GRIK4: variants seen among roughly 807,000 people sequenced by gnomAD.
The protein encoded by GRIK4 is glutamate receptor ionotropic, kainate 4.
Under a neutral mutation model 104.9 loss-of-function variants are expected in GRIK4, and 40 were observed. That is an observed-to-expected ratio of 0.38 (90% CI 0.30 to 0.50). The LOEUF (loss-of-function observed/expected upper bound fraction) is 0.50. GRIK4 is among the 20% of genes least tolerant of loss of function. The pLI is 0.93. For missense variants in GRIK4, 1,047 were observed against 1,308.1 expected, an observed-to-expected ratio of 0.80 and a Z score of 3.08; for synonymous variants, 485 against 524.9, an observed-to-expected ratio of 0.92 and a Z score of 1.04.
chr11:120,976,918 A>G (rs150921403), intron 19 of GRIK4, among the ~76,000 whole-genome samples: 107 of 152,346 alleles, frequency 7.0e-4, no homozygotes, highest in African/African-American at 2.2e-3. Context: ...GGGCTAGGAC[A>G]TGAGTGTACC....
chr11:120,718,844 G>A (rs545081047), intron 3 of GRIK4, among the ~76,000 whole-genome samples: 15 of 152,250 alleles, frequency 9.9e-5, no homozygotes, highest in African/African-American at 2.9e-4. Flanking sequence ...ACCCTTTCCC[G>A]TCGTACTTGC....
intron 3 of GRIK4, among the ~76,000 whole-genome samples, chr11:120,717,948 C>A (rs562639973): frequency 6.6e-6 from 1 of 152,118 alleles, no homozygotes; most frequent in Admixed American, 6.5e-5. Flanking sequence ...TCCCTGCCCG[C>A]GTCTGTAAGC....
chr11:120,527,206 G>A (rs1004165937), intron 1 of GRIK4, among the ~76,000 whole-genome samples: 3 of 152,230 alleles, frequency 2.0e-5, no homozygotes, highest in South Asian at 2.1e-4. Context: ...CTGGAGCTGC[G>A]TCATCTTTGT....
intron 1 of GRIK4, among the ~76,000 whole-genome samples, chr11:120,516,434 G>A (rs1947725731): frequency 6.6e-6 from 1 of 152,154 alleles, no homozygotes; most frequent in Non-Finnish European, 1.5e-5. Flanking sequence ...GAGGCAAGTG[G>A]GAGAAGAGTC....
At chr11:120,695,809 C>T (rs1026194313) in intron 3 of GRIK4, among the ~76,000 whole-genome samples, 18 of 152,196 alleles carry the variant, frequency 1.2e-4, no homozygotes, top group African/African-American at 4.1e-4. Flanking sequence ...GTTGGAGCCG[C>T]CATGCAGATA....
At chr11:120,840,653 C>T (rs549103578) in intron 8 of GRIK4, among the ~76,000 whole-genome samples, 1 of 152,096 alleles carries the variant, frequency 6.6e-6, no homozygotes, top group African/African-American at 2.4e-5. Flanking sequence ...TGAAGTGGAC[C>T]GATTAAGGAA....
intron 1 of GRIK4, among the ~76,000 whole-genome samples, chr11:120,526,532 T>C (rs1947859184): frequency 6.6e-6 from 1 of 152,184 alleles, no homozygotes; most frequent in Admixed American, 6.5e-5. Flanking sequence ...TATACATCAA[T>C]TCAAAAAGTT....
intron 1 of GRIK4, among the ~76,000 whole-genome samples, chr11:120,637,101 A>C (rs1311217422): frequency 1.3e-5 from 2 of 151,954 alleles, no homozygotes; most frequent in African/African-American, 2.4e-5. Flanking sequence ...ATAGAAGAGA[A>C]GATGCAGGAA....
Position 120,905,394 on chromosome 11 carries a change from C to T in GRIK4, c.1377C>T (p.Leu459=). ...TGCTCAAGGAGCTGGCAGAGATCCT[C>T]CGATTCAACTACAAGATCCGCCTGG... The part of the protein sequence containing the change: ...VDMLKELAEI[L]RFNYKIRLVG... Residue 459 remains leucine, a synonymous_variant, in exon 13 of 21, where the codon CTC becomes CTT. Coordinates refer to ENST00000527524, the MANE Select transcript of GRIK4 (RefSeq NM_014619.5). The surrounding 1 kb of genome is among the most constrained non-coding windows in gnomAD (Gnocchi z 5.1). The T allele has an allele frequency of 1.2e-6, 2 of 1,614,034 alleles. No homozygotes were observed. Among genetic ancestry groups the T allele is most frequent in the Non-Finnish European group, 1.7e-6 (2 of 1,179,896 alleles).
At chr11:120,792,769 G>T (rs932379546) in intron 3 of GRIK4, among the ~76,000 whole-genome samples, 2 of 152,130 alleles carry the variant, frequency 1.3e-5, no homozygotes, top group African/African-American at 4.8e-5. Flanking sequence ...TTTACTTTGG[G>T]TCTTCCTAAA....
chr11:120,808,262 G>A (rs930277287), intron 4 of GRIK4, among the ~76,000 whole-genome samples: 1 of 152,186 alleles, frequency 6.6e-6, no homozygotes, highest in Non-Finnish European at 1.5e-5. Flanking sequence ...TCTCTCCTAT[G>A]TCTCACAGCC....
At chr11:120,929,927 C>T (rs1943445954) in intron 13 of GRIK4, among the ~76,000 whole-genome samples, 1 of 152,178 alleles carries the variant, frequency 6.6e-6, no homozygotes. Context: ...AAAAATCCCT[C>T]CTGCATACAG....
intron 6 of GRIK4, among the ~76,000 whole-genome samples, chr11:120,821,809 G>A (rs943109449): frequency 6.6e-6 from 1 of 152,208 alleles, no homozygotes; most frequent in African/African-American, 2.4e-5. Flanking sequence ...TGGGTGCTGG[G>A]CACCCTTACA....
intron 14 of GRIK4, among the ~76,000 whole-genome samples, chr11:120,944,913 T>C (rs199894511): frequency 6.7e-6 from 1 of 149,658 alleles, no homozygotes; most frequent in East Asian, 2.0e-4. Context: ...GCCTGACATA[T>C]ACACAATAAA....
chr11:120,913,856 T>TAAAA lies in GRIK4; in HGVS notation c.1476+8378_1476+8381dup, dbSNP rs36119057. Among the ~76,000 whole-genome samples, 6 of 132,730 alleles carry TAAAA rather than the reference T, an allele frequency of 4.5e-5. No individual in the cohort carries two copies. The East Asian group carries it at 1.1e-3, about 24-fold the overall frequency. The allele number at this position is 132,730 out of a possible 152,430, so 87.1% of individuals were successfully genotyped here. On this transcript the variant is annotated intron_variant, in intron 13 of 20. Transcript: ENST00000527524. ...GTTGTCCGGAGACATTTTGCTGAACTAAAAAAAAAAAAAAAAAATACAAGT... is the reference window on the plus strand; with the variant it reads ...GTTGTCCGGAGACATTTTGCTGAACTAAAAAAAAAAAAAAAAAAAAAATACAAGT...
At chr11:120,578,671 G>A (rs1341229835) in intron 1 of GRIK4, among the ~76,000 whole-genome samples, 1 of 152,238 alleles carries the variant, frequency 6.6e-6, no homozygotes, top group Non-Finnish European at 1.5e-5. Flanking sequence ...AATCCCAACA[G>A]CCACTCAGCC....
chr11:120,935,751 C>G (rs1246422422), intron 13 of GRIK4, among the ~76,000 whole-genome samples: 1 of 152,112 alleles, frequency 6.6e-6, no homozygotes, highest in Non-Finnish European at 1.5e-5. Context: ...CTAATTTGTT[C>G]TGTGCACCAA....
chr11:120,836,905 GGA>G, intron 8 of GRIK4, 61 bp downstream of exon 8: 1 of 1,090,642 alleles, frequency 9.2e-7, no homozygotes, highest in Non-Finnish European at 1.4e-6. Flanking sequence ...CAGGATTGAT[GGA>G]TTATAAGGGA....
chr11:120,525,204 T>G (rs1358585774), intron 1 of GRIK4, among the ~76,000 whole-genome samples: 1 of 152,152 alleles, frequency 6.6e-6, no homozygotes, highest in Non-Finnish European at 1.5e-5. Flanking sequence ...GTACCATGGC[T>G]TTGTCAAGTC....
Sources: allele counts gnomAD v4.1 joint callset (sites outside exome capture counted in the v4.1 genomes callset), GRCh38; gene constraint gnomAD v4.1.1; non-coding constraint Gnocchi (gnomAD v3.1); transcripts MANE v1.5; gene names NCBI Gene and HGNC (gene_info 2026-07-23, HGNC 2026-07-21).